The following TNNI3K variants were observed in gnomAD, a reference collection of about 807,000 sequenced individuals.
TNNI3K encodes serine/threonine-protein kinase TNNI3K.
TNNI3K carries 140 observed loss-of-function variants against 114.5 expected under a neutral mutation model. That is an observed-to-expected ratio of 1.22 (90% CI 1.07 to 1.41). TNNI3K has a LOEUF of 1.41. Among genes scored for constraint, TNNI3K ranks in the 40% most tolerant of loss-of-function variants. The pLI, the probability that TNNI3K is intolerant of heterozygous loss-of-function variation, is 0.00. For synonymous variants in TNNI3K, 347 were observed against 347.5 expected (o/e 1.00, Z 0.02); for missense variants, 1,125 against 1,007.6 (o/e 1.12, Z -1.58).
intron 17 of TNNI3K, chr1:74,375,583 C>T (rs1244726973): frequency 6.6e-6 from 3 of 455,434 alleles, no homozygotes; most frequent in Non-Finnish European, 8.8e-6. Flanking sequence ...CAGGATGGCT[C>T]AGCTGCTACC....
rs574688223 is a variant in TNNI3K, at chr1:74,486,706, G to C, written c.2122-2483G>C. Among the ~76,000 whole-genome samples the C allele has an allele frequency of 5.3e-5, 8 of 152,090 alleles. No individual in the cohort carries two copies. In the South Asian group the frequency reaches 8.3e-4, roughly 16 times the overall value. On this transcript the variant is annotated intron_variant, in intron 21 of 24. Coordinates refer to ENST00000326637, the MANE Select transcript of TNNI3K (RefSeq NM_015978.3). The stretch of plus-strand genomic sequence containing the variant: ...CAACAAATTAATTTTAAAGGGTAAA[G>C]AGACTCAAAGACTGAGTCTTGGGGC...
chr1:74,314,141 C>T (rs1659161966), intron 5 of TNNI3K, among the ~76,000 whole-genome samples: 1 of 146,804 alleles, frequency 6.8e-6, no homozygotes, highest in Admixed American at 6.8e-5. Flanking sequence ...AAGACTTATT[C>T]ACAGTATTCC....
At chr1:74,404,274 G>A (rs1344743633) in intron 17 of TNNI3K, among the ~76,000 whole-genome samples, 1 of 152,010 alleles carries the variant, frequency 6.6e-6, no homozygotes, top group Non-Finnish European at 1.5e-5. Context: ...AGGAAATATT[G>A]GCTCAATATT....
Position 74,368,862 on chromosome 1 carries a change from A to G in TNNI3K, c.1322-160A>G, listed in dbSNP as rs964788775. 2.4e-5 allele frequency: 15 copies of G among 612,974 alleles called. No individual in the cohort carries two copies. In the African/African-American group the frequency reaches 2.9e-4, roughly 12 times the overall value. 38.0% of individuals were successfully genotyped at this position (612,974 alleles called of 1,614,324 possible). ...CAGGGGGGTAGGGATCATTTGGGTT[A>G]AGGTTTTAGCATCTTTAAGTAGTCA... On this transcript the variant is annotated intron_variant, in intron 13 of 24. Transcript: ENST00000326637.
intron 17 of TNNI3K, among the ~76,000 whole-genome samples, chr1:74,379,274 A>G (rs1458511577): frequency 3.9e-5 from 6 of 152,012 alleles, no homozygotes; most frequent in Admixed American, 2.6e-4. Context: ...TAGGCTATAT[A>G]CATTTTAAAA....
intron 23 of TNNI3K, among the ~76,000 whole-genome samples, chr1:74,500,327 C>T (rs541297038): frequency 6.6e-6 from 1 of 151,604 alleles, no homozygotes; most frequent in African/African-American, 2.4e-5. Flanking sequence ...TTTTCTTTTC[C>T]ATAAATGCAC....
At position 74,367,970 on chromosome 1, in the gene TNNI3K, T is replaced by C. The variant is rs753202546; in HGVS notation, c.1321+6T>C. 1.3e-6 allele frequency: 2 copies of C among 1,556,628 alleles called. No individual in the cohort carries two copies. Among genetic ancestry groups the C allele is most frequent in the Non-Finnish European group, 1.7e-6 (2 of 1,157,762 alleles). On this transcript the variant is annotated splice_donor_region_variant and intron_variant, in intron 13 of 24. Transcript: ENST00000326637. ...GATTAAAAGCATGACAAAAGGTACC[T>C]ATAATCTGGGACAATTGTTATATTT... is the stretch of plus-strand genomic sequence containing the variant.
At chr1:74,350,524 G>T (rs60690599) in intron 9 of TNNI3K, among the ~76,000 whole-genome samples, 44,316 of 151,840 alleles carry the variant, frequency 0.29, 7,386 homozygotes, top group East Asian at 0.56. Context: ...GGATATCCTT[G>T]TTAACTTTCT....
chr1:74,376,605 A>T (rs528138543), intron 17 of TNNI3K: 1 of 152,192 alleles, frequency 6.6e-6, no homozygotes, highest in South Asian at 2.1e-4. Flanking sequence ...GTAGCATTTT[A>T]AATTTTATCA....
At chr1:74,464,411 T>C (rs45614234) in intron 21 of TNNI3K, among the ~76,000 whole-genome samples, 2,094 of 152,338 alleles carry the variant, frequency 0.014, 40 homozygotes, top group African/African-American at 0.048. Flanking sequence ...GGACCTCATA[T>C]GTAAAGACCT....
intron 21 of TNNI3K, chr1:74,471,535 C>T (rs1319692805): frequency 2.5e-6 from 1 of 400,470 alleles, no homozygotes; most frequent in East Asian, 3.6e-5. Flanking sequence ...TTTCAGAACC[C>T]ATGAATTAGT....
intron 24 of TNNI3K, among the ~76,000 whole-genome samples, chr1:74,541,841 A>G (rs1309900366): frequency 6.6e-6 from 1 of 152,236 alleles, no homozygotes; most frequent in Non-Finnish European, 1.5e-5. Flanking sequence ...CACATCATAC[A>G]AGAAAGAACG....
chr1:74,306,951 G>A (rs999856466), intron 5 of TNNI3K, among the ~76,000 whole-genome samples: 16 of 152,082 alleles, frequency 1.1e-4, no homozygotes, highest in Non-Finnish European at 2.2e-4. Flanking sequence ...AATTCCCGAA[G>A]AGTTTTTAAC....
intron 5 of TNNI3K, among the ~76,000 whole-genome samples, chr1:74,282,960 T>A (rs1221610913): frequency 1.3e-5 from 2 of 152,210 alleles, no homozygotes; most frequent in Non-Finnish European, 2.9e-5. Context: ...TATAAATTAT[T>A]GTTTCAATAT....
chr1:74,445,090 A>G (rs1483253130), intron 20 of TNNI3K, among the ~76,000 whole-genome samples: 1 of 152,178 alleles, frequency 6.6e-6, no homozygotes, highest in Non-Finnish European at 1.5e-5. Context: ...CCTAGAAGAA[A>G]ATCTAGGCAA....
intron 23 of TNNI3K, among the ~76,000 whole-genome samples, chr1:74,502,582 A>G (rs1669687459): frequency 6.6e-6 from 1 of 152,192 alleles, no homozygotes; most frequent in Admixed American, 6.5e-5. Context: ...TTGGGCTTTG[A>G]AGAGAATCAG....
chr1:74,336,280 T>G lies in TNNI3K; in HGVS notation c.682+131T>G, dbSNP rs17095153. 64,920 of 1,154,814 alleles carry G rather than the reference T, an allele frequency of 0.056. 2,076 individuals are homozygous for G. The highest frequency in any genetic ancestry group is 0.092 in the African/African-American group (5,628 of 61,352). 71.5% of individuals were successfully genotyped at this position (1,154,814 alleles called of 1,614,324 possible). A position where few individuals can be genotyped will look rare whatever the true frequency, so the allele number is the denominator to read the frequency against. On this transcript the variant is annotated intron_variant, in intron 7 of 24. Transcript: ENST00000326637. ...GTCATGTACTTATTTGCTCCACAAG[T>G]CATAATTCATCTTTAATATATTTAT... is the stretch of plus-strand genomic sequence containing the variant.
chr1:74,334,642 A>T (rs1428777114), intron 6 of TNNI3K, among the ~76,000 whole-genome samples: 3 of 152,198 alleles, frequency 2.0e-5, no homozygotes. Flanking sequence ...AGACTCCCAC[A>T]TGCTTCATTA....
intron 21 of TNNI3K, chr1:74,468,395 C>T (rs1253382905): frequency 6.6e-6 from 1 of 152,084 alleles, no homozygotes; most frequent in African/African-American, 2.4e-5. Flanking sequence ...CTCGTCTCAC[C>T]TTAAAGGTGC....
Sources: gnomAD v4.1 joint callset for allele counts (sites outside exome capture counted in the v4.1 genomes callset) on GRCh38, gnomAD v4.1.1 for gene constraint, MANE v1.5 for transcripts, NCBI Gene and HGNC (gene_info 2026-07-23, HGNC 2026-07-21) for gene names.